The following RAPGEF5 variants were observed in gnomAD, a reference collection of about 807,000 sequenced individuals.
The protein encoded by RAPGEF5 is M-Ras-regulated GEF.
RAPGEF5 carries 65 observed loss-of-function variants against 125.2 expected under a neutral mutation model. The observed-to-expected ratio is 0.52, with a 90% CI of 0.43 to 0.64. The LOEUF is 0.64. Among genes scored for constraint, RAPGEF5 ranks in the 30% least tolerant of loss-of-function variants. RAPGEF5 has a pLI of 0.00. For synonymous variants in RAPGEF5, 391 were observed against 385.9 expected, an observed-to-expected ratio of 1.01 and a Z score of -0.16; for missense variants, 958 against 1,048.1, an observed-to-expected ratio of 0.91 and a Z score of 1.19.
chr7:22,267,106 A>T (rs1782302189), intron 6 of RAPGEF5, 94 bp from the exon 7 acceptor site: 1 of 1,226,028 alleles, frequency 8.2e-7, no homozygotes, highest in Non-Finnish European at 1.1e-6. Flanking sequence ...ACCCAAATTC[A>T]GAGCTGTTTC....
At position 22,119,678 on chromosome 7, in the gene RAPGEF5, C is replaced by T. The variant is rs1454694793; in HGVS notation, c.*2728G>A. Reference sequence around the variant, plus strand: ...CAAAAAGAGCCCACTTAGAAGTGCCCCTGCACCACCTGGTGCCGAAGGTGC... The same window carrying T: ...CAAAAAGAGCCCACTTAGAAGTGCCTCTGCACCACCTGGTGCCGAAGGTGC... On this transcript the variant is annotated 3_prime_UTR_variant, in exon 26 of 26. Transcript: ENST00000665637. The surrounding 1 kb of genome is among the most constrained non-coding windows in gnomAD (Gnocchi z 4.1). 6.6e-6 allele frequency: 1 copy of T among 152,132 alleles called. No individual in the cohort carries two copies. Among genetic ancestry groups the T allele is most frequent in the Admixed American group, 6.5e-5 (1 of 15,280 alleles). 9.4% of individuals were successfully genotyped at this position (152,132 alleles called of 1,614,324 possible). A position where few individuals can be genotyped will look rare whatever the true frequency, so the allele number is the denominator to read the frequency against.
In RAPGEF5 at chr7:22,120,956, A is replaced by C. The variant is rs1374787786; in HGVS notation, c.*1450T>G. The C allele has an allele frequency of 6.6e-6, 1 of 152,282 alleles. No individual in the cohort carries two copies. The highest frequency in any genetic ancestry group is 1.5e-5 in the Non-Finnish European group (1 of 68,080). The allele number at this position is 152,282 out of a possible 1,614,324, so 9.4% of individuals were successfully genotyped here. A position where few individuals can be genotyped will look rare whatever the true frequency, so the allele number is the denominator to read the frequency against. ...AAGGAAACAGGTCTGTGTGGGCATG[A>C]AAGAGATGAACAGGCAGGAAGAGTG... On this transcript the variant is annotated 3_prime_UTR_variant, in exon 26 of 26. Transcript: ENST00000665637. The surrounding 1 kb of genome is among the most constrained non-coding windows in gnomAD (Gnocchi z 4.0).
intron 2 of RAPGEF5, among the ~76,000 whole-genome samples, chr7:22,316,477 ATATATATATATATT>A (rs1783596376): frequency 1.7e-5 from 1 of 59,084 alleles, no homozygotes; most frequent in Non-Finnish European, 3.2e-5. Context: ...ATATATATAT[ATATATATATATATT>A]TTTTTTTTTT....
At chr7:22,236,611 A>G (rs948584393) in intron 7 of RAPGEF5, among the ~76,000 whole-genome samples, 1 of 151,886 alleles carries the variant, frequency 6.6e-6, no homozygotes, top group African/African-American at 2.4e-5. Flanking sequence ...AAATCCTGTC[A>G]CTTCTACCTC....
rs1198595103 is a variant in RAPGEF5, at chr7:22,194,046, A to T, written c.997-13T>A. 6.2e-7 allele frequency: 1 copy of T among 1,602,582 alleles called. No homozygotes were observed. Among genetic ancestry groups the T allele is most frequent in the Non-Finnish European group, 8.5e-7 (1 of 1,171,936 alleles). On this transcript the variant is annotated splice_polypyrimidine_tract_variant and intron_variant, in intron 9 of 25. Transcript: ENST00000665637. The stretch of plus-strand genomic sequence containing the variant: ...CTTCATCATCTTGCTTTAATTGTGG[A>T]CAGGGATGATGGATGAGAGAAGGAA...
chr7:22,144,461 G>T (rs1206697048), intron 20 of RAPGEF5, among the ~76,000 whole-genome samples: 1 of 152,230 alleles, frequency 6.6e-6, no homozygotes, highest in Non-Finnish European at 1.5e-5. Context: ...GTAGCAATTT[G>T]CTGGGTGCAA....
intron 1 of RAPGEF5, among the ~76,000 whole-genome samples, chr7:22,323,272 A>G (rs1216242847): frequency 1.3e-5 from 2 of 152,244 alleles, no homozygotes; most frequent in Non-Finnish European, 2.9e-5. Context: ...TAGTAGAAAC[A>G]TGTTTCCCTA....
intron 1 of RAPGEF5, among the ~76,000 whole-genome samples, chr7:22,320,477 C>T (rs1296403334): frequency 6.6e-6 from 1 of 152,198 alleles, no homozygotes; most frequent in Non-Finnish European, 1.5e-5. Flanking sequence ...ATCAGAGAAA[C>T]ACCATGGGCC....
chr7:22,316,282 T>G (rs1240747533), intron 2 of RAPGEF5, among the ~76,000 whole-genome samples: 1 of 151,686 alleles, frequency 6.6e-6, no homozygotes, highest in Non-Finnish European at 1.5e-5. Flanking sequence ...TGAAAATTAA[T>G]ATATTACTGG....
Position 22,162,505 on chromosome 7 carries a change from G to A in RAPGEF5, c.1320C>T (p.Asn440=). 1 of 1,609,946 alleles carries A rather than the reference G, an allele frequency of 6.2e-7. No individual in the cohort carries two copies. Among genetic ancestry groups the A allele is most frequent in the Non-Finnish European group, 8.5e-7 (1 of 1,176,358 alleles). The part of the protein sequence containing the change: ...SAKKYQGKEE[N]SDVPRRKRKV... ...TACGTTTCCTACGCGGAACGTCTGA[G>A]TTTTCCTCTTTGCCTTGATACTTCT... The change falls in exon 13 of 26, where the codon AAC becomes AAT. Residue 440 remains asparagine, a synonymous_variant. Coordinates refer to ENST00000665637, the MANE Select transcript of RAPGEF5 (RefSeq NM_012294.5).
At chr7:22,206,171 T>C (rs1785392186) in intron 9 of RAPGEF5, among the ~76,000 whole-genome samples, 1 of 152,174 alleles carries the variant, frequency 6.6e-6, no homozygotes, top group East Asian at 1.9e-4. Context: ...ACATCTAATA[T>C]CTTAATTTAT....
rs1436971216 is a variant in RAPGEF5, at chr7:22,308,490, A to T, written c.529T>A (p.Phe177Ile). 1 of 1,557,434 alleles carries T rather than the reference A, an allele frequency of 6.4e-7. No homozygotes were observed. Among genetic ancestry groups the T allele is most frequent in the African/African-American group, 1.4e-5 (1 of 73,474 alleles). The change falls in exon 5 of 26, where the codon TTT becomes ATT. Residue 177 changes from phenylalanine to isoleucine, a missense_variant. By Grantham distance (21) the Phe-to-Ile change is conservative. Transcript: ENST00000665637. ...TGGTAGAAAACATAAGTATCTTGAA[A>T]GTATAGATGCTGGTCCACTGTTTGA... ...IMLSVDQHLY[F>I]QDTYVFYQFS...
intron 19 of RAPGEF5, 130 bp from the exon 20 acceptor site, chr7:22,145,352 T>A (rs1783402076): frequency 8.6e-6 from 7 of 817,790 alleles, no homozygotes; most frequent in Non-Finnish European, 1.3e-5. Flanking sequence ...GAGAACATGG[T>A]GAATAGTAAT....
chr7:22,288,173 A>G (rs13237200), intron 6 of RAPGEF5, among the ~76,000 whole-genome samples: 29,382 of 152,034 alleles, frequency 0.19, 3,284 homozygotes, highest in East Asian at 0.52. Flanking sequence ...TAAACCATTC[A>G]GTTATTTCCA....
chr7:22,156,545 A>G (rs1220328987), intron 16 of RAPGEF5, among the ~76,000 whole-genome samples: 3 of 152,232 alleles, frequency 2.0e-5, no homozygotes, highest in Non-Finnish European at 4.4e-5. Context: ...CCTCTTCTCA[A>G]GAATGCAAGG....
intron 18 of RAPGEF5, 65 bp from the exon 19 acceptor site, chr7:22,147,084 T>C: frequency 1.3e-6 from 2 of 1,567,312 alleles, no homozygotes; most frequent in Non-Finnish European, 1.7e-6. Context: ...ATTGGCTGGC[T>C]GTAGAAAGGC....
chr7:22,229,118 G>A (rs1482868519), intron 8 of RAPGEF5, among the ~76,000 whole-genome samples: 3 of 152,142 alleles, frequency 2.0e-5, no homozygotes, highest in African/African-American at 4.8e-5. Context: ...CATCCCTTAA[G>A]GAAGAAGGGC....
intron 2 of RAPGEF5, among the ~76,000 whole-genome samples, chr7:22,315,951 T>C (rs1783580409): frequency 6.6e-6 from 1 of 152,178 alleles, no homozygotes; most frequent in African/African-American, 2.4e-5. Flanking sequence ...ATGACACAAT[T>C]TGACAGCAGG....
intron 9 of RAPGEF5, among the ~76,000 whole-genome samples, chr7:22,217,698 C>T (rs1785672788): frequency 6.6e-6 from 1 of 152,168 alleles, no homozygotes; most frequent in Non-Finnish European, 1.5e-5. Flanking sequence ...TTAAGCTTCA[C>T]AGGAAAGTCT....
Sources: allele counts gnomAD v4.1 joint callset (sites outside exome capture counted in the v4.1 genomes callset), GRCh38; gene constraint gnomAD v4.1.1; non-coding constraint Gnocchi (gnomAD v3.1); transcripts MANE v1.5; gene names NCBI Gene and HGNC (gene_info 2026-07-23, HGNC 2026-07-21).